The following CNTNAP5 variants were observed in gnomAD, a reference collection of about 807,000 sequenced individuals.
CNTNAP5 encodes contactin associated protein family member 5, also known as contactin-associated protein-like 5.
CNTNAP5 carries 72 observed loss-of-function variants against 150.2 expected under a neutral mutation model. That is an observed-to-expected ratio of 0.48 (90% CI 0.40 to 0.58). CNTNAP5 has a LOEUF of 0.58. Ranked by LOEUF, CNTNAP5 falls within the 20% of genes least tolerant of loss-of-function variation. The probability of loss-of-function intolerance (pLI) is 0.00; values close to 1 mark genes in which losing one functional copy is unlikely to be tolerated. For synonymous variants in CNTNAP5, 672 were observed against 619.8 expected (o/e 1.08, Z -1.25); for missense variants, 1,636 against 1,626.2 (o/e 1.01, Z -0.10).
intron 11 of CNTNAP5, among the ~76,000 whole-genome samples, chr2:124,587,287 A>C (rs1696559434): frequency 6.6e-6 from 1 of 152,118 alleles, no homozygotes; most frequent in Admixed American, 6.5e-5. Context: ...TAGCATCCTC[A>C]ATTTATTCTG....
chr2:124,312,850 G>T (rs1026676898), intron 3 of CNTNAP5, among the ~76,000 whole-genome samples: 1 of 152,166 alleles, frequency 6.6e-6, no homozygotes, highest in African/African-American at 2.4e-5. Context: ...GATTACAGGC[G>T]TGAGCCACCA....
chr2:124,413,313 G>A (rs1462838358), intron 3 of CNTNAP5, among the ~76,000 whole-genome samples: 6 of 151,504 alleles, frequency 4.0e-5, no homozygotes, highest in Non-Finnish European at 2.9e-5. Context: ...CATTGTGGAA[G>A]TCATTGTGGC....
chr2:124,352,501 G>A (rs149109522), intron 3 of CNTNAP5, among the ~76,000 whole-genome samples: 1 of 152,300 alleles, frequency 6.6e-6, no homozygotes, highest in African/African-American at 2.4e-5. Context: ...AAGTCTAGAT[G>A]AAGAGTTTTC....
chr2:124,803,456 A>T (rs2104648185), intron 19 of CNTNAP5, among the ~76,000 whole-genome samples: 1 of 152,302 alleles, frequency 6.6e-6, no homozygotes, highest in South Asian at 2.1e-4. Flanking sequence ...TGTTGATAGA[A>T]ATGCAAAGTC....
At chr2:124,215,313 G>A (rs141920244) in intron 1 of CNTNAP5, among the ~76,000 whole-genome samples, 2 of 152,136 alleles carry the variant, frequency 1.3e-5, no homozygotes, top group East Asian at 1.9e-4. Context: ...AACTCTATTG[G>A]TATTTTAATA....
chr2:124,229,034 A>C (rs1686543418), intron 2 of CNTNAP5, among the ~76,000 whole-genome samples: 1 of 152,132 alleles, frequency 6.6e-6, no homozygotes, highest in Admixed American at 6.6e-5. Flanking sequence ...AACATTGAAC[A>C]TAAAGGACTA....
intron 1 of CNTNAP5, among the ~76,000 whole-genome samples, chr2:124,191,550 G>A (rs1685457162): frequency 6.6e-6 from 1 of 152,120 alleles, no homozygotes; most frequent in South Asian, 2.1e-4. Flanking sequence ...TGCCAAATAT[G>A]GCAGTGTGCT....
chr2:124,322,740 G>T (rs1573915592), intron 3 of CNTNAP5, among the ~76,000 whole-genome samples: 1 of 152,132 alleles, frequency 6.6e-6, no homozygotes, highest in African/African-American at 2.4e-5. Flanking sequence ...GTTTTCTGAG[G>T]AATACTTGTC....
rs542388510 is a variant in CNTNAP5, at chr2:124,635,953, A to G, written c.1877-11805A>G. ...AGGAGACATTGACTGATTGCTGTCC[A>G]TAGGGACAATTTCAACATGGGTTTT... On this transcript the variant is annotated intron_variant, in intron 12 of 23. Transcript: ENST00000682447. Among the ~76,000 whole-genome samples the G allele has an allele frequency of 2.6e-5, 4 of 152,340 alleles. No homozygotes were observed. In the South Asian group the frequency reaches 8.3e-4, roughly 32 times the overall value.
At chr2:124,253,202 G>A (rs1292630686) in intron 3 of CNTNAP5, among the ~76,000 whole-genome samples, 1 of 151,814 alleles carries the variant, frequency 6.6e-6, no homozygotes, top group Non-Finnish European at 1.5e-5. Flanking sequence ...AGAAAACAAT[G>A]TTATTTGAGG....
intron 8 of CNTNAP5, 146 bp downstream of exon 8, chr2:124,504,702 C>CT: frequency 3.6e-6 from 2 of 557,776 alleles, no homozygotes; most frequent in South Asian, 2.8e-5. Context: ...GAAGAGGCAG[C>CT]ATTTTTTTTT....
At chr2:124,764,592 C>T (rs1019491670) in intron 16 of CNTNAP5, among the ~76,000 whole-genome samples, 6 of 152,152 alleles carry the variant, frequency 3.9e-5, no homozygotes, top group African/African-American at 1.4e-4. Context: ...ACTATCCAAT[C>T]AGAATTCCCA....
At chr2:124,618,002 T>A (rs928308583) in intron 12 of CNTNAP5, among the ~76,000 whole-genome samples, 3 of 152,088 alleles carry the variant, frequency 2.0e-5, no homozygotes, top group African/African-American at 7.2e-5. Context: ...AACCTGCATG[T>A]TTTTAGGAGT....
At chr2:124,118,583 A>T (rs1683484023) in intron 1 of CNTNAP5, among the ~76,000 whole-genome samples, 1 of 152,120 alleles carries the variant, frequency 6.6e-6, no homozygotes, top group Non-Finnish European at 1.5e-5. Context: ...GTGTTTTGGG[A>T]GGAAATAAGG....
chr2:124,563,090 G>T lies in CNTNAP5; in HGVS notation c.1650-127G>T, dbSNP rs1354960912. 6.2e-6 allele frequency: 4 copies of T among 640,038 alleles called. No individual in the cohort carries two copies. The African/African-American group carries it at 7.3e-5, about 12-fold the overall frequency. The allele number at this position is 640,038 out of a possible 1,614,324, so 39.6% of individuals were successfully genotyped here. On this transcript the variant is annotated intron_variant, in intron 10 of 23. Coordinates refer to ENST00000682447, the MANE Select transcript of CNTNAP5 (RefSeq NM_001367498.1). The stretch of plus-strand genomic sequence containing the variant: ...TTTTGATGTCATTCAATCTGCCTTA[G>T]GTATGGGAGTATAGCAAATCAATAT...
intron 13 of CNTNAP5, among the ~76,000 whole-genome samples, chr2:124,683,067 G>A (rs1211072808): frequency 6.6e-6 from 1 of 152,072 alleles, no homozygotes; most frequent in Non-Finnish European, 1.5e-5. Context: ...CACTTTTTTG[G>A]GGTAAAGTCA....
chr2:124,724,522 T>G (rs536888525), intron 13 of CNTNAP5, among the ~76,000 whole-genome samples: 1 of 152,268 alleles, frequency 6.6e-6, no homozygotes, highest in African/African-American at 2.4e-5. Context: ...ACCAATATTT[T>G]CTGATAGCCT....
chr2:124,691,673 G>A (rs575454590), intron 13 of CNTNAP5, among the ~76,000 whole-genome samples: 11 of 152,142 alleles, frequency 7.2e-5, no homozygotes, highest in Admixed American at 2.6e-4. Context: ...CTCAGTCAGC[G>A]TTTCATGGGT....
At chr2:124,269,020 G>GC (rs1687680145) in intron 3 of CNTNAP5, among the ~76,000 whole-genome samples, 1 of 152,038 alleles carries the variant, frequency 6.6e-6, no homozygotes, top group South Asian at 2.1e-4. Context: ...GAGGACCAAA[G>GC]CAGGGGCCCT....
Sources: allele counts gnomAD v4.1 joint callset (sites outside exome capture counted in the v4.1 genomes callset), GRCh38; gene constraint gnomAD v4.1.1; transcripts MANE v1.5; gene names NCBI Gene and HGNC (gene_info 2026-07-23, HGNC 2026-07-21).